Variants in NLGN1 observed in about 807,000 individuals in gnomAD.
NLGN1 encodes neuroligin-1.
Under a neutral mutation model 65.5 loss-of-function variants are expected in NLGN1, and 12 were observed. The observed-to-expected ratio is 0.18, with a 90% CI of 0.12 to 0.30. The LOEUF (loss-of-function observed/expected upper bound fraction) is 0.30. Ranked by LOEUF, NLGN1 falls within the 10% of genes least tolerant of loss-of-function variation. The pLI, the probability that NLGN1 is intolerant of heterozygous loss-of-function variation, is 1.00. For synonymous variants in NLGN1, 350 were observed against 359.5 expected (o/e 0.97, Z 0.30); for missense variants, 750 against 1,007.1 (o/e 0.74, Z 3.46).
At chr3:173,740,295 A>G (rs1299553950) in intron 3 of NLGN1, among the ~76,000 whole-genome samples, 1 of 152,140 alleles carries the variant, frequency 6.6e-6, no homozygotes, top group Admixed American at 6.6e-5. Flanking sequence ...TTTGTGCTAT[A>G]TTAAGTCAAA....
intron 4 of NLGN1, among the ~76,000 whole-genome samples, chr3:173,865,983 G>A (rs1730083290): frequency 6.6e-6 from 1 of 152,076 alleles, no homozygotes; most frequent in Admixed American, 6.6e-5. Flanking sequence ...CACTAGGCAG[G>A]CTTCCTCTTT....
chr3:174,031,385 C>A (rs1729988713), intron 4 of NLGN1, among the ~76,000 whole-genome samples: 1 of 152,164 alleles, frequency 6.6e-6, no homozygotes, highest in Admixed American at 6.6e-5. Context: ...ATCCACTGAG[C>A]TTTTCATCAC....
At chr3:173,657,932 T>C (rs1026734183) in intron 3 of NLGN1, among the ~76,000 whole-genome samples, 1 of 151,942 alleles carries the variant, frequency 6.6e-6, no homozygotes, top group African/African-American at 2.4e-5. Context: ...TGCCTGATTG[T>C]ACTGGTAGAG....
intron 4 of NLGN1, among the ~76,000 whole-genome samples, chr3:174,053,805 G>GA (rs1189999675): frequency 6.6e-6 from 1 of 151,660 alleles, no homozygotes; most frequent in Non-Finnish European, 1.5e-5. Context: ...TAGTTATTAG[G>GA]AAAAAACATT....
intron 4 of NLGN1, among the ~76,000 whole-genome samples, chr3:174,042,404 G>A (rs993563145): frequency 2.6e-5 from 4 of 152,154 alleles, no homozygotes; most frequent in Admixed American, 6.5e-5. Context: ...TGAGGTAGAT[G>A]TTGAGATTTA....
chr3:173,846,410 T>C (rs1725804291), intron 4 of NLGN1, among the ~76,000 whole-genome samples: 2 of 152,052 alleles, frequency 1.3e-5, no homozygotes, highest in Admixed American at 1.3e-4. Context: ...CCATGTGGGG[T>C]ACAATGGAAG....
chr3:173,968,498 A>G (rs759479000), intron 4 of NLGN1, among the ~76,000 whole-genome samples: 7 of 151,948 alleles, frequency 4.6e-5, no homozygotes, highest in Non-Finnish European at 1.0e-4. Context: ...GTCAATGACC[A>G]TTTTTGCTTT....
intron 4 of NLGN1, among the ~76,000 whole-genome samples, chr3:174,002,744 T>TG (rs35040350): frequency 1.3e-5 from 2 of 151,820 alleles, no homozygotes; most frequent in African/African-American, 4.8e-5. Context: ...TAGCACCCCC[T>TG]GGGGGAAAAA....
At chr3:174,054,224 T>C (rs1367075737) in intron 4 of NLGN1, among the ~76,000 whole-genome samples, 1 of 152,032 alleles carries the variant, frequency 6.6e-6, no homozygotes, top group Non-Finnish European at 1.5e-5. Flanking sequence ...AGCTTGGAGC[T>C]CTGAGTAACT....
At chr3:173,982,635 A>C (rs1719011643) in intron 4 of NLGN1, among the ~76,000 whole-genome samples, 1 of 152,172 alleles carries the variant, frequency 6.6e-6, no homozygotes, top group Admixed American at 6.6e-5. Context: ...GAATGGATTG[A>C]TGGTCACAGC....
chr3:173,439,051 C>T lies in NLGN1; in HGVS notation c.-321+3973C>T, dbSNP rs116300867. Among the ~76,000 whole-genome samples, 828 of 152,180 alleles carry T rather than the reference C, an allele frequency of 5.4e-3. 6 individuals are homozygous for T. The highest frequency in any genetic ancestry group is 0.018 in the African/African-American group (768 of 41,528). ...TTGACAAATATCTCATATTAAATTC[C>T]TCTCTTGGATATTAGCAATCTGGAT... On this transcript the variant is annotated intron_variant, in intron 2 of 6. Coordinates refer to ENST00000457714, the Ensembl canonical transcript of NLGN1.
intron 4 of NLGN1, among the ~76,000 whole-genome samples, chr3:174,205,928 CAGCAACCAGAGCCCAGT>C (rs1366255095): frequency 3.9e-5 from 6 of 152,256 alleles, no homozygotes; most frequent in East Asian, 1.9e-4. Context: ...ATTCAGTGCC[CAGCAACCAGAGCCCAGT>C]AGGCATGGCC....
chr3:174,000,908 T>G (rs1160104016), intron 4 of NLGN1, among the ~76,000 whole-genome samples: 1 of 152,188 alleles, frequency 6.6e-6, no homozygotes. Context: ...GACACTGGTC[T>G]TCTCCTGACT....
chr3:173,868,534 C>T (rs1268624919), intron 4 of NLGN1, among the ~76,000 whole-genome samples: 2 of 152,096 alleles, frequency 1.3e-5, no homozygotes, highest in African/African-American at 4.8e-5. Context: ...ACTTAGACAA[C>T]TTGTGTTCCT....
chr3:173,599,005 T>C (rs1749995957), intron 2 of NLGN1, among the ~76,000 whole-genome samples: 1 of 152,164 alleles, frequency 6.6e-6, no homozygotes, highest in African/African-American at 2.4e-5. Flanking sequence ...CTGAACATTC[T>C]TTCTGCTGTG....
chr3:173,510,268 T>C (rs911182041), intron 2 of NLGN1, among the ~76,000 whole-genome samples: 1 of 152,228 alleles, frequency 6.6e-6, no homozygotes, highest in Non-Finnish European at 1.5e-5. Context: ...ATGATTGATA[T>C]CACTCACCTG....
At position 173,835,649 on chromosome 3, in the gene NLGN1, A is replaced by T. The variant is rs187587321; in HGVS notation, c.646+27817A>T. Among the ~76,000 whole-genome samples, 508 of 151,650 alleles carry T rather than the reference A, an allele frequency of 3.3e-3. 3 individuals are homozygous for T. The highest frequency in any genetic ancestry group is 0.012 in the African/African-American group (487 of 41,378). On this transcript the variant is annotated intron_variant, in intron 4 of 6. Transcript: ENST00000457714. ...TATGCCCTTGTTTATCTCCAAGAAG[A>T]TTTAAAATAACATTTGGGTACAACA... is the stretch of plus-strand genomic sequence containing the variant.
At chr3:173,518,394 A>G (rs1422790031) in intron 2 of NLGN1, among the ~76,000 whole-genome samples, 3 of 151,270 alleles carry the variant, frequency 2.0e-5, no homozygotes, top group African/African-American at 7.3e-5. Flanking sequence ...ATAGATATTT[A>G]TATGTATATA....
chr3:173,807,961 A>C, intron 4 of NLGN1, 129 bp downstream of exon 4: 1 of 860,054 alleles, frequency 1.2e-6, no homozygotes, highest in Non-Finnish European at 1.8e-6. Context: ...TCTCGAGCCC[A>C]AATTTTTTAT....
Sources: allele counts gnomAD v4.1 joint callset (sites outside exome capture counted in the v4.1 genomes callset), GRCh38; gene constraint gnomAD v4.1.1; transcripts MANE v1.5; gene names NCBI Gene and HGNC (gene_info 2026-07-23, HGNC 2026-07-21).